The following CAD variants were observed in gnomAD, a reference collection of about 807,000 sequenced individuals.
The protein encoded by CAD is multifunctional protein CAD.
A neutral mutation model predicts 237.2 loss-of-function variants in CAD; 81 were observed. The observed-to-expected ratio is 0.34, with a 90% CI of 0.29 to 0.41. CAD has a LOEUF of 0.41. CAD is among the 10% of genes least tolerant of loss of function. CAD has a pLI of 1.00. For missense variants in CAD, 2,181 were observed against 2,951.7 expected, an observed-to-expected ratio of 0.74 and a Z score of 6.05; for synonymous variants, 1,196 against 1,162.8, an observed-to-expected ratio of 1.03 and a Z score of -0.58.
rs1472938407 is a variant in CAD at position 27,235,884 on chromosome 2, A to C, written c.4074+244A>C. The C allele has an allele frequency of 4.0e-6, 2 of 498,368 alleles. No homozygotes were observed. The highest frequency in any genetic ancestry group is 1.9e-5 in the African/African-American group (1 of 51,486). The allele number at this position is 498,368 out of a possible 1,614,324, so 30.9% of individuals were successfully genotyped here. On this transcript the variant is annotated intron_variant, in intron 25 of 43. Coordinates refer to ENST00000264705, the MANE Select transcript of CAD (RefSeq NM_004341.5). The surrounding 1 kb of genome is among the most constrained non-coding windows in gnomAD (Gnocchi z 5.2). ...GTGAGATGCTGTCTCAAAAAAAAAA[A>C]AAACAAAGAATTATCTCCTATTCCC...
In CAD at chr2:27,223,700, A is replaced by G. The variant is rs776337242; in HGVS notation, c.947A>G (p.Asn316Ser). 27 of 1,614,218 alleles carry G rather than the reference A, an allele frequency of 1.7e-5. No individual in the cohort carries two copies. Among genetic ancestry groups the G allele is most frequent in the Admixed American group, 5.0e-5 (3 of 60,024 alleles). ...ADWAPLFTNANDGSNEGIVHN... is the reference protein window; with the variant it reads ...ADWAPLFTNASDGSNEGIVHN... ...TGGGCTCCTCTCTTCACCAACGCCA[A>G]TGATGGTTCCAATGAAGGCATTGTG... The change falls in exon 7 of 44, where the codon AAT becomes AGT. Residue 316 changes from asparagine to serine, a missense_variant. By Grantham distance (46) the Asn-to-Ser change is conservative. Around this residue, in one of 12 missense-constraint regions of CAD, gnomAD observed 129 missense variants for 143.3 expected, o/e 0.90. Transcript: ENST00000264705.
intron 2 of CAD, 91 bp downstream of exon 2, chr2:27,218,107 C>T (rs1186672485): frequency 1.2e-5 from 14 of 1,149,474 alleles, no homozygotes; most frequent in African/African-American, 1.6e-5. Flanking sequence ...CCCTGCTGGG[C>T]ATCCTGCAGA....
Position 27,242,654 on chromosome 2 carries a change from C to T in CAD, c.6257C>T (p.Thr2086Ile). Residue 2086 changes from threonine (T) to isoleucine (I), a missense_variant, in exon 41 of 44, where the codon ACA (threonine) becomes ATA (isoleucine). Transcript: ENST00000264705. The surrounding 1 kb of genome is among the most constrained non-coding windows in gnomAD (Gnocchi z 6.4). ...TMVGDLKHGR[T>I]VHSLACLLTQ... is the part of the protein sequence containing the mutation. ...GTGGGTGACCTGAAGCACGGACGCA[C>T]AGTACATTCCCTGGCCTGCCTGCTC... is the stretch of plus-strand genomic sequence containing the variant. The T allele has an allele frequency of 6.2e-7, 1 of 1,610,702 alleles. No individual in the cohort carries two copies. The highest frequency in any genetic ancestry group is 8.5e-7 in the Non-Finnish European group (1 of 1,177,516).
At chr2:27,238,320 C>G in intron 30 of CAD, 111 bp from the exon 31 acceptor site, 3 of 1,456,340 alleles carry the variant, frequency 2.1e-6, no homozygotes, top group Non-Finnish European at 2.8e-6. Context: ...GAGCCAGCAC[C>G]CTTGCAGGTC....
At position 27,240,697 on chromosome 2, in the gene CAD, G is replaced by A; in HGVS notation, c.5594-214G>A. ...CCTTTGCCAACTGGGAGAGCCCCGG[G>A]AGGGCACCACTGCTCCCATACAACA... On this transcript the variant is annotated intron_variant, in intron 35 of 43. Transcript: ENST00000264705. This position sits in a 1 kb window ranked among gnomAD's most constrained non-coding sequence, Gnocchi z 4.6. 1 of 1,435,506 alleles carries A rather than the reference G, an allele frequency of 7.0e-7. No homozygotes were observed. Among genetic ancestry groups the A allele is most frequent in the Middle Eastern group, 2.0e-4 (1 of 5,042 alleles). 88.9% of individuals were successfully genotyped at this position (1,435,506 alleles called of 1,614,324 possible).
chr2:27,238,177 G>A lies in CAD; in HGVS notation c.4850G>A (p.Arg1617Gln), dbSNP rs557875449. The A allele has an allele frequency of 5.0e-5, 81 of 1,614,010 alleles. No homozygotes were observed. In the African/African-American group the frequency reaches 6.0e-4, roughly 12 times the overall value. The part of the protein sequence containing the change: ...QRSVHICHVA[R>Q]KEEILLIKAA... Reference sequence around the variant, plus strand: ...TCAGTGCACATATGTCACGTGGCACGGAAGGAGGAGGTAAGAGTACACCTG... The same window carrying A: ...TCAGTGCACATATGTCACGTGGCACAGAAGGAGGAGGTAAGAGTACACCTG... The change falls in exon 30 of 44, where the codon CGG becomes CAG. Residue 1617 changes from arginine to glutamine, a missense_variant. By Grantham distance (43) the Arg-to-Gln change is conservative. This residue lies in a region of CAD where 478 missense variants were observed against 515.0 expected (regional missense o/e 0.93). Coordinates refer to ENST00000264705, the MANE Select transcript of CAD (RefSeq NM_004341.5).
At chr2:27,224,087 G>A in intron 8 of CAD, 58 bp downstream of exon 8, 1 of 1,275,714 alleles carries the variant, frequency 7.8e-7, no homozygotes, top group African/African-American at 1.5e-5. Context: ...CTCCAGGATG[G>A]GCATAAGGTG....
chr2:27,233,230 G>T lies in CAD; in HGVS notation c.2992-82G>T. 6.6e-7 allele frequency: 1 copy of T among 1,515,082 alleles called. No individual in the cohort carries two copies. The highest frequency in any genetic ancestry group is 9.2e-7 in the Non-Finnish European group (1 of 1,091,526). 93.9% of individuals were successfully genotyped at this position (1,515,082 alleles called of 1,614,324 possible). A position where few individuals can be genotyped will look rare whatever the true frequency, so the allele number is the denominator to read the frequency against. The stretch of plus-strand genomic sequence containing the variant: ...CTAAGATTCTTTGAAACTTGGTGGC[G>T]GCTGAGGGAAGCAGTGAGCAGGAAG... On this transcript the variant is annotated intron_variant, in intron 19 of 43. Transcript: ENST00000264705. This position sits in a 1 kb window ranked among gnomAD's most constrained non-coding sequence, Gnocchi z 6.3.
At chr2:27,222,786 C>G in intron 5 of CAD, 80 bp from the exon 6 acceptor site, 1 of 1,578,114 alleles carries the variant, frequency 6.3e-7, no homozygotes, top group Non-Finnish European at 8.7e-7. Flanking sequence ...ACTTAACACT[C>G]TCATGGGCTG....
Position 27,222,327 on chromosome 2 carries a change from C to T in CAD, c.486C>T (p.Val162=), listed in dbSNP as rs774890129. 3 of 1,612,014 alleles carry T rather than the reference C, an allele frequency of 1.9e-6. No individual in the cohort carries two copies. The highest frequency in any genetic ancestry group is 2.5e-6 in the Non-Finnish European group (3 of 1,178,406). Reference sequence around the variant, plus strand: ...ATGCCCGCCCCCTGGTACCAGAGGTCTCCATTAAGGTACAGAGGTAGAGTG... The same window carrying T: ...ATGCCCGCCCCCTGGTACCAGAGGTTTCCATTAAGGTACAGAGGTAGAGTG... ...DPNARPLVPE[V]SIKTPRVFNT... Residue 162 remains valine (V), a synonymous_variant, in exon 4 of 44, where the codon GTC becomes GTT. Coordinates refer to ENST00000264705, the MANE Select transcript of CAD (RefSeq NM_004341.5).
At chr2:27,225,308 T>TC (rs1553367440) in intron 11 of CAD, 65 bp downstream of exon 11, 37 of 905,900 alleles carry the variant, frequency 4.1e-5, no homozygotes, top group African/African-American at 3.2e-4. Context: ...ATTTTCTTTT[T>TC]TTTTTTTTTT....
At chr2:27,238,020 T>G (rs1257673372) in intron 29 of CAD, 36 bp from the exon 30 acceptor site, 2 of 1,611,534 alleles carry the variant, frequency 1.2e-6, no homozygotes, top group African/African-American at 2.7e-5. Flanking sequence ...AGTCAGAGAT[T>G]CTGCACACTC....
intron 2 of CAD, among the ~76,000 whole-genome samples, chr2:27,218,586 A>G (rs553865369): frequency 6.6e-6 from 1 of 152,216 alleles, no homozygotes; most frequent in South Asian, 2.1e-4. Context: ...TACCTACAAA[A>G]CCAGTGACAT....
chr2:27,219,485 G>A (rs953073082), intron 2 of CAD, among the ~76,000 whole-genome samples: 19 of 152,142 alleles, frequency 1.2e-4, no homozygotes, highest in African/African-American at 4.3e-4. Context: ...TGGGACTACA[G>A]GCACCTGCCG....
Position 27,238,649 on chromosome 2 carries a change from T to G in CAD, c.5062+17T>G, listed in dbSNP as rs1402991069. ...CAGACCATGGTGAGAGAATCCAGCA[T>G]GTACCTCCTCTGCCCAGTGGGGCTT... On this transcript the variant is annotated intron_variant, in intron 31 of 43. Transcript: ENST00000264705. 1 of 1,598,784 alleles carries G rather than the reference T, an allele frequency of 6.3e-7. No homozygotes were observed. The highest frequency in any genetic ancestry group is 1.3e-5 in the African/African-American group (1 of 74,646).
In CAD at chr2:27,236,160, G is replaced by T; in HGVS notation, c.4075-124G>T. 7.7e-7 allele frequency: 1 copy of T among 1,298,680 alleles called. No homozygotes were observed. Among genetic ancestry groups the T allele is most frequent in the Non-Finnish European group, 1.1e-6 (1 of 943,844 alleles). 80.4% of individuals were successfully genotyped at this position (1,298,680 alleles called of 1,614,324 possible). ...CAGTATCAAATAGAGGCAGCCCTCA[G>T]TGCCCACCCTATGGGTCCTCAGTCT... is the stretch of plus-strand genomic sequence containing the variant. On this transcript the variant is annotated intron_variant, in intron 25 of 43. Transcript: ENST00000264705. The surrounding 1 kb of genome is among the most constrained non-coding windows in gnomAD (Gnocchi z 4.1).
At chr2:27,224,263 T>C (rs1265666291) in intron 8 of CAD, 82 bp from the exon 9 acceptor site, 2 of 1,505,568 alleles carry the variant, frequency 1.3e-6, no homozygotes, top group African/African-American at 1.4e-5. Flanking sequence ...TCTGGACTCT[T>C]CTGAAAGCGA....
chr2:27,236,020 T>C lies in CAD; in HGVS notation c.4075-264T>C. ...AAATCTCTGTACCACTGTTCTGATA[T>C]TTTTCCTTCCAGGATTTTCTCTGTG... On this transcript the variant is annotated intron_variant, in intron 25 of 43. Coordinates refer to ENST00000264705, the MANE Select transcript of CAD (RefSeq NM_004341.5). This position sits in a 1 kb window ranked among gnomAD's most constrained non-coding sequence, Gnocchi z 4.1. 1.8e-6 allele frequency: 1 copy of C among 541,542 alleles called. No homozygotes were observed. The highest frequency in any genetic ancestry group is 2.5e-5 in the South Asian group (1 of 40,424). 33.5% of individuals were successfully genotyped at this position (541,542 alleles called of 1,614,324 possible). A position where few individuals can be genotyped will look rare whatever the true frequency, so the allele number is the denominator to read the frequency against.
Position 27,233,398 on chromosome 2 carries a change from G to T in CAD, c.3078G>T (p.Ala1026=). ...GGQLPNNMAM[A]LHRQQCRVLG... is the part of the protein sequence containing the mutation. Reference sequence around the variant, plus strand: ...AGCTGCCCAACAACATGGCCATGGCGTTGCATCGGCAGCAGTGCCGGGTGC... The same window carrying T: ...AGCTGCCCAACAACATGGCCATGGCTTTGCATCGGCAGCAGTGCCGGGTGC... The change falls in exon 20 of 44, where the codon GCG becomes GCT. Residue 1026 remains alanine (A), a synonymous_variant. Transcript: ENST00000264705. This position sits in a 1 kb window ranked among gnomAD's most constrained non-coding sequence, Gnocchi z 6.3. The T allele has an allele frequency of 1.2e-6, 2 of 1,614,218 alleles. 1 individual carries two copies. The highest frequency in any genetic ancestry group is 2.2e-5 in the South Asian group (2 of 91,086).
Sources: allele counts gnomAD v4.1 joint callset (sites outside exome capture counted in the v4.1 genomes callset), GRCh38; gene constraint gnomAD v4.1.1; regional missense constraint gnomAD v4.1.1; non-coding constraint Gnocchi (gnomAD v3.1); transcripts MANE v1.5; gene names NCBI Gene and HGNC (gene_info 2026-07-23, HGNC 2026-07-21).